Variants in FHIT observed in about 807,000 individuals in gnomAD.
The protein encoded by FHIT is bis(5'-adenosyl)-triphosphatase.
A neutral mutation model predicts 17.9 loss-of-function variants in FHIT; 19 were observed. The observed-to-expected ratio is 1.06, with a 90% CI of 0.74 to 1.56. The LOEUF (loss-of-function observed/expected upper bound fraction) is 1.56, where lower values mean the gene tolerates loss of function less well. Among genes scored for constraint, FHIT ranks in the 40% most tolerant of loss-of-function variants. FHIT has a pLI of 0.00. For synonymous variants in FHIT, 81 were observed against 69.7 expected, an observed-to-expected ratio of 1.16 and a Z score of -0.81; for missense variants, 248 against 189.2, an observed-to-expected ratio of 1.31 and a Z score of -1.82.
chr3:60,474,617 C>T (rs1038520595), intron 5 of FHIT, among the ~76,000 whole-genome samples: 1 of 151,544 alleles, frequency 6.6e-6, no homozygotes, highest in Non-Finnish European at 1.5e-5. Flanking sequence ...TTATTTTCAA[C>T]ACAATACAAT....
rs1361855765 is a variant in FHIT, at chr3:60,668,547, G to C, written c.-17-131568C>G. Among the ~76,000 whole-genome samples the C allele has an allele frequency of 3.1e-5, 4 of 128,980 alleles. No individual in the cohort carries two copies. The East Asian group carries it at 9.7e-4, about 31-fold the overall frequency. 84.6% of individuals were successfully genotyped at this position (128,980 alleles called of 152,430 possible). A position where few individuals can be genotyped will look rare whatever the true frequency, so the allele number is the denominator to read the frequency against. ...TGTTCCTCCAGGCCTAGGGAGGCCA[G>C]CTCATTCTTTTTTTTTTTTTTTTTT... On this transcript the variant is annotated intron_variant, in intron 4 of 9. Coordinates refer to ENST00000492590, the MANE Select transcript of FHIT (RefSeq NM_002012.4).
chr3:60,485,429 T>G (rs943033198), intron 5 of FHIT, among the ~76,000 whole-genome samples: 2 of 152,062 alleles, frequency 1.3e-5, no homozygotes, highest in Non-Finnish European at 1.5e-5. Context: ...ATAGACTGGA[T>G]AAAGAAAACG....
intron 5 of FHIT, among the ~76,000 whole-genome samples, chr3:60,107,350 C>G (rs1010619260): frequency 6.6e-6 from 1 of 152,006 alleles, no homozygotes; most frequent in Admixed American, 6.6e-5. Context: ...TACAGATATA[C>G]AATTCATATT....
intron 3 of FHIT, among the ~76,000 whole-genome samples, chr3:60,927,353 G>A (rs939871346): frequency 6.6e-6 from 1 of 152,156 alleles, no homozygotes; most frequent in Non-Finnish European, 1.5e-5. Flanking sequence ...CCTCCCAGCC[G>A]CCTGCCTTGG....
At chr3:59,984,957 G>A (rs1011812490) in intron 7 of FHIT, among the ~76,000 whole-genome samples, 1 of 152,022 alleles carries the variant, frequency 6.6e-6, no homozygotes, top group Admixed American at 6.6e-5. Flanking sequence ...GGTGTGTTGA[G>A]GTCTATGATC....
intron 2 of FHIT, among the ~76,000 whole-genome samples, chr3:61,068,822 A>C (rs13099398): frequency 0.55 from 83,934 of 151,950 alleles, 24,153 homozygotes; most frequent in Non-Finnish European, 0.64. Context: ...GAAAGCTTTT[A>C]ACAAACTGGT....
intron 3 of FHIT, among the ~76,000 whole-genome samples, chr3:60,934,139 T>G (rs1414229141): frequency 6.6e-6 from 1 of 152,064 alleles, no homozygotes; most frequent in Non-Finnish European, 1.5e-5. Context: ...ATGAAATAAG[T>G]ACGTTGGTTA....
chr3:59,873,139 A>G (rs17493), intron 8 of FHIT, among the ~76,000 whole-genome samples: 114,785 of 152,030 alleles, frequency 0.76, 44,199 homozygotes, highest in East Asian at 1. Context: ...ACCTCTGGAT[A>G]GTTACAGTGC....
At chr3:60,175,994 G>T (rs1701651166) in intron 5 of FHIT, among the ~76,000 whole-genome samples, 4 of 152,184 alleles carry the variant, frequency 2.6e-5, no homozygotes, top group Admixed American at 2.6e-4. Flanking sequence ...TTGAAACGGG[G>T]CTAATGTAGC....
At chr3:60,122,491 G>A (rs568437301) in intron 5 of FHIT, among the ~76,000 whole-genome samples, 1 of 152,292 alleles carries the variant, frequency 6.6e-6, no homozygotes, top group East Asian at 1.9e-4. Context: ...TCGAACAGGA[G>A]GTGGTGGTAA....
At chr3:60,311,938 C>T (rs970074332) in intron 5 of FHIT, among the ~76,000 whole-genome samples, 7 of 152,046 alleles carry the variant, frequency 4.6e-5, no homozygotes, top group African/African-American at 7.2e-5. Flanking sequence ...AAGAAAAAAA[C>T]GACTTGCCTA....
intron 5 of FHIT, among the ~76,000 whole-genome samples, chr3:60,259,198 G>C (rs1256694608): frequency 2.0e-5 from 3 of 152,094 alleles, no homozygotes; most frequent in East Asian, 1.9e-4. Context: ...TAGAGAAATA[G>C]AAGAAGTGGG....
intron 8 of FHIT, among the ~76,000 whole-genome samples, chr3:59,799,996 C>T (rs995449453): frequency 5.9e-5 from 9 of 152,054 alleles, no homozygotes; most frequent in Admixed American, 5.2e-4. Flanking sequence ...CTAGTCTATT[C>T]GACAAGAGCA....
At chr3:60,218,189 C>A (rs1219058473) in intron 5 of FHIT, among the ~76,000 whole-genome samples, 1 of 151,952 alleles carries the variant, frequency 6.6e-6, no homozygotes, top group Non-Finnish European at 1.5e-5. Context: ...ATTCTGAGAT[C>A]GAAAAGTTTA....
At chr3:60,189,313 C>T (rs1022992447) in intron 5 of FHIT, among the ~76,000 whole-genome samples, 6 of 152,000 alleles carry the variant, frequency 3.9e-5, no homozygotes, top group Non-Finnish European at 8.8e-5. Flanking sequence ...TTGTATTATT[C>T]ATCCTATTTT....
At chr3:60,214,808 T>C (rs1229612947) in intron 5 of FHIT, among the ~76,000 whole-genome samples, 2 of 151,912 alleles carry the variant, frequency 1.3e-5, no homozygotes, top group Non-Finnish European at 2.9e-5. Context: ...ATGTGGTACA[T>C]ATATACCACA....
intron 5 of FHIT, among the ~76,000 whole-genome samples, chr3:60,407,139 C>A (rs1701894650): frequency 7.8e-6 from 1 of 128,920 alleles, no homozygotes; most frequent in Non-Finnish European, 1.6e-5. Flanking sequence ...ATAATCAAGG[C>A]AATGCTAACT....
intron 8 of FHIT, among the ~76,000 whole-genome samples, chr3:59,905,637 C>G (rs758991048): frequency 4.6e-5 from 7 of 152,118 alleles, no homozygotes; most frequent in Non-Finnish European, 1.0e-4. Flanking sequence ...TCAATAGACT[C>G]TATGAGACTT....
chr3:60,324,573 G>GGAAAAAAAAAAAAAAAAA (rs757433390), intron 5 of FHIT, among the ~76,000 whole-genome samples: 25 of 128,862 alleles, frequency 1.9e-4, no homozygotes, highest in African/African-American at 7.1e-4. Flanking sequence ...GACTCCATCA[G>GGAAAAAAAAAAAAAAAAA]AAAAAAAAAA....
Sources: gnomAD v4.1 joint callset for allele counts (sites outside exome capture counted in the v4.1 genomes callset) on GRCh38, gnomAD v4.1.1 for gene constraint, MANE v1.5 for transcripts, NCBI Gene and HGNC (gene_info 2026-07-23, HGNC 2026-07-21) for gene names.